The following TAFA2 variants were observed in gnomAD, a reference collection of about 807,000 sequenced individuals.
TAFA2 encodes chemokine-like protein TAFA-2.
TAFA2 carries 7 observed loss-of-function variants against 18.8 expected under a neutral mutation model. The observed-to-expected ratio is 0.37, with a 90% CI of 0.21 to 0.70. The LOEUF (loss-of-function observed/expected upper bound fraction) is 0.70. Ranked by LOEUF, TAFA2 falls within the 30% of genes least tolerant of loss-of-function variation. The pLI is 0.53. For missense variants in TAFA2, 122 were observed against 158.1 expected (o/e 0.77, Z 1.23); for synonymous variants, 60 against 54.2 (o/e 1.11, Z -0.47).
At chr12:61,849,672 G>A (rs186801822) in intron 2 of TAFA2, among the ~76,000 whole-genome samples, 183 of 152,242 alleles carry the variant, frequency 1.2e-3, no homozygotes, top group Admixed American at 4.0e-3. Flanking sequence ...CAAACAGTAC[G>A]TTTTAGTGAC....
chr12:62,183,695 A>G (rs570556962), intron 1 of TAFA2, among the ~76,000 whole-genome samples: 2 of 152,280 alleles, frequency 1.3e-5, no homozygotes, highest in Admixed American at 1.3e-4. Context: ...AATCTGTGGT[A>G]TTTTTATCAC....
intron 1 of TAFA2, among the ~76,000 whole-genome samples, chr12:62,065,558 C>G (rs185364789): frequency 6.6e-6 from 1 of 152,022 alleles, no homozygotes; most frequent in Non-Finnish European, 1.5e-5. Flanking sequence ...TATCTGGGCA[C>G]AGGCCCAGAG....
chr12:61,846,948 C>T (rs912679234), intron 2 of TAFA2, among the ~76,000 whole-genome samples: 3 of 152,138 alleles, frequency 2.0e-5, no homozygotes, highest in Admixed American at 2.0e-4. Context: ...GTGATCATAG[C>T]TTGCAGTCTT....
At chr12:62,246,648 T>C (rs1266625996) in intron 1 of TAFA2, among the ~76,000 whole-genome samples, 1 of 152,240 alleles carries the variant, frequency 6.6e-6, no homozygotes, top group Admixed American at 6.5e-5. Context: ...AGGTCATTTA[T>C]TTAGAAACAA....
rs979986696 is a variant in TAFA2 at position 62,038,346 on chromosome 12, ACTAT to A, written c.-2+152909_-2+152912del. ...AAAATACCATGTAAACCTTAAATAC[ACTAT>A]CTTCCTTCTTTGTCTGCAGGCTCTG... On this transcript the variant is annotated intron_variant, in intron 1 of 4. Transcript: ENST00000416284. Among the ~76,000 whole-genome samples, 14 of 152,330 alleles carry A rather than the reference ACTAT, an allele frequency of 9.2e-5. No individual in the cohort carries two copies. The East Asian group carries it at 2.7e-3, about 29-fold the overall frequency.
chr12:61,866,651 G>A (rs1216829553), intron 2 of TAFA2, among the ~76,000 whole-genome samples: 2 of 152,162 alleles, frequency 1.3e-5, no homozygotes, highest in African/African-American at 4.8e-5. Flanking sequence ...TAACACATAT[G>A]TATAGAGCAA....
chr12:62,118,753 T>C (rs1278763664), intron 1 of TAFA2, among the ~76,000 whole-genome samples: 2 of 152,250 alleles, frequency 1.3e-5, no homozygotes, highest in East Asian at 3.9e-4. Flanking sequence ...CTTCATATGT[T>C]TGTTAGTCAT....
chr12:62,183,637 G>A (rs887743717), intron 1 of TAFA2, among the ~76,000 whole-genome samples: 5 of 152,008 alleles, frequency 3.3e-5, no homozygotes, highest in Non-Finnish European at 5.9e-5. Flanking sequence ...CACCTACTTC[G>A]GCCTCCCAAA....
chr12:61,880,065 T>C (rs1875051949), intron 1 of TAFA2: 12 of 665,324 alleles, frequency 1.8e-5, no homozygotes, highest in Non-Finnish European at 3.3e-5. Flanking sequence ...GTGCTGTCCA[T>C]AGACAGCAGC....
chr12:61,764,630 C>A (rs1869710067), intron 2 of TAFA2, among the ~76,000 whole-genome samples: 1 of 151,936 alleles, frequency 6.6e-6, no homozygotes, highest in African/African-American at 2.4e-5. Context: ...AGATTTCTCC[C>A]AATTCAAAAG....
chr12:61,923,286 C>T (rs959444806), intron 1 of TAFA2, among the ~76,000 whole-genome samples: 1 of 152,212 alleles, frequency 6.6e-6, no homozygotes, highest in African/African-American at 2.4e-5. Context: ...CCCCATACTT[C>T]CTGACTGGGA....
intron 1 of TAFA2, among the ~76,000 whole-genome samples, chr12:61,941,253 G>T (rs2121421159): frequency 1.3e-5 from 2 of 152,192 alleles, no homozygotes; most frequent in African/African-American, 4.8e-5. Context: ...TGGTAAAAAA[G>T]TATTTTCGAT....
At chr12:61,928,386 G>A (rs530075775) in intron 1 of TAFA2, among the ~76,000 whole-genome samples, 11 of 152,180 alleles carry the variant, frequency 7.2e-5, no homozygotes, top group South Asian at 4.1e-4. Flanking sequence ...AAAAGAAGAC[G>A]TTTATGTGGC....
At chr12:62,225,062 C>A (rs2062780102) in intron 1 of TAFA2, among the ~76,000 whole-genome samples, 2 of 151,902 alleles carry the variant, frequency 1.3e-5, no homozygotes, top group Non-Finnish European at 2.9e-5. Flanking sequence ...CCACTGCACT[C>A]CAGCCTGGGC....
At chr12:62,179,427 A>T (rs943288767) in intron 1 of TAFA2, among the ~76,000 whole-genome samples, 2 of 152,206 alleles carry the variant, frequency 1.3e-5, no homozygotes, top group African/African-American at 4.8e-5. Flanking sequence ...CTCATTTGCC[A>T]TAGAGAAAAC....
At chr12:61,743,023 GA>G (rs546004744) in intron 4 of TAFA2, among the ~76,000 whole-genome samples, 3 of 151,834 alleles carry the variant, frequency 2.0e-5, no homozygotes, top group African/African-American at 7.3e-5. Context: ...ACTGCATGGA[GA>G]AAAAATCCAA....
At chr12:61,804,191 T>C (rs1291080159) in intron 2 of TAFA2, among the ~76,000 whole-genome samples, 3 of 152,136 alleles carry the variant, frequency 2.0e-5, no homozygotes, top group African/African-American at 7.2e-5. Flanking sequence ...TCCTATACTT[T>C]AAAAGAACTT....
chr12:62,197,082 C>A (rs1394810165), upstream of TAFA2, among the ~76,000 whole-genome samples: 4 of 152,156 alleles, frequency 2.6e-5, no homozygotes, highest in East Asian at 7.7e-4. Context: ...TTGTAAACTG[C>A]ACATGCAAGG....
intron 1 of TAFA2, among the ~76,000 whole-genome samples, chr12:62,120,539 A>G (rs763091917): frequency 3.3e-5 from 5 of 152,228 alleles, no homozygotes; most frequent in Admixed American, 6.5e-5. Context: ...CTCCAAAACT[A>G]GAGAAGAAGA....
Sources: gnomAD v4.1 joint callset for allele counts (sites outside exome capture counted in the v4.1 genomes callset) on GRCh38, gnomAD v4.1.1 for gene constraint, MANE v1.5 for transcripts, NCBI Gene and HGNC (gene_info 2026-07-23, HGNC 2026-07-21) for gene names.